FGF14: variants seen among roughly 807,000 people sequenced by gnomAD.
FGF14 encodes fibroblast growth factor 14, also known as fibroblast growth factor homologous factor 4.
FGF14 carries 5 observed loss-of-function variants against 25.5 expected under a neutral mutation model. The ratio of observed to expected loss-of-function variants is 0.20; its 90% CI spans 0.10 to 0.41. The LOEUF (loss-of-function observed/expected upper bound fraction) is 0.41. Among genes scored for constraint, FGF14 ranks in the 10% least tolerant of loss-of-function variants. The pLI is 1.00. For missense variants in FGF14, 222 were observed against 320.1 expected, an observed-to-expected ratio of 0.69 and a Z score of 2.34; for synonymous variants, 138 against 118.3, an observed-to-expected ratio of 1.17 and a Z score of -1.08.
intron 1 of FGF14, among the ~76,000 whole-genome samples, chr13:102,196,955 TG>T (rs374840065): frequency 2.0e-4 from 26 of 129,992 alleles, no homozygotes; most frequent in African/African-American, 5.7e-4. Context: ...TTTGTTTTTT[TG>T]GTTTTTTTTT....
chr13:101,914,934 T>A (rs981629906), intron 1 of FGF14, among the ~76,000 whole-genome samples: 1 of 152,166 alleles, frequency 6.6e-6, no homozygotes, highest in Non-Finnish European at 1.5e-5. Flanking sequence ...CAACGGTGAT[T>A]AAGGCAGTCG....
chr13:102,367,078 C>T (rs1284089880), intron 1 of FGF14, among the ~76,000 whole-genome samples: 2 of 152,046 alleles, frequency 1.3e-5, no homozygotes, highest in Non-Finnish European at 2.9e-5. Flanking sequence ...AATAAATTAC[C>T]CCAAAACTTA....
At chr13:102,210,864 C>T (rs1428634056) in intron 1 of FGF14, among the ~76,000 whole-genome samples, 2 of 152,058 alleles carry the variant, frequency 1.3e-5, no homozygotes, top group East Asian at 3.9e-4. Flanking sequence ...CAAAATAGTG[C>T]ATGGTATGGA....
chr13:102,095,548 T>C (rs974309898), intron 1 of FGF14, among the ~76,000 whole-genome samples: 1 of 152,174 alleles, frequency 6.6e-6, no homozygotes, highest in African/African-American at 2.4e-5. Flanking sequence ...TTGCACTAAA[T>C]GTGCCTGCCT....
chr13:101,941,116 A>G (rs1037332965), intron 1 of FGF14, among the ~76,000 whole-genome samples: 20 of 152,246 alleles, frequency 1.3e-4, no homozygotes, highest in African/African-American at 4.8e-4. Context: ...CAAACTACTC[A>G]GTCCTGATGT....
At position 102,400,013 on chromosome 13, in the gene FGF14, G is replaced by A. The variant is rs920485658; in HGVS notation, c.208+1458C>T. ...CTCCTTTGCTGCAGGAATGGTGGCC[G>A]CAAACGGTCTCAGCCTCCGCACCCA... On this transcript the variant is annotated intron_variant, in intron 1 of 4. Coordinates refer to the FGF14 transcript ENST00000376131. The surrounding 1 kb of genome is among the most constrained non-coding windows in gnomAD (Gnocchi z 4.3). Among the ~76,000 whole-genome samples the A allele has an allele frequency of 1.3e-5, 2 of 152,104 alleles. No individual in the cohort carries two copies. Among genetic ancestry groups the A allele is most frequent in the African/African-American group, 4.8e-5 (2 of 41,436 alleles).
intron 1 of FGF14, among the ~76,000 whole-genome samples, chr13:102,043,430 C>T (rs1282925459): frequency 6.6e-6 from 1 of 152,120 alleles, no homozygotes; most frequent in Non-Finnish European, 1.5e-5. Context: ...TTACTCTAGG[C>T]CAGATACTTT....
At chr13:101,751,280 T>A (rs1005179682) in intron 3 of FGF14, among the ~76,000 whole-genome samples, 11 of 151,960 alleles carry the variant, frequency 7.2e-5, no homozygotes, top group African/African-American at 2.7e-4. Flanking sequence ...ATAAGGGAAA[T>A]AGGTGGAGGG....
At chr13:102,155,582 C>T (rs1400778789) in intron 1 of FGF14, among the ~76,000 whole-genome samples, 1 of 151,990 alleles carries the variant, frequency 6.6e-6, no homozygotes, top group South Asian at 2.1e-4. Context: ...AATTGACACC[C>T]TAACATCACA....
chr13:102,380,536 T>C (rs187526228), intron 1 of FGF14, among the ~76,000 whole-genome samples: 3 of 152,298 alleles, frequency 2.0e-5, no homozygotes, highest in African/African-American at 4.8e-5. Context: ...CTACTTATGA[T>C]GACAGGGCTT....
intron 1 of FGF14, among the ~76,000 whole-genome samples, chr13:102,251,578 G>A (rs1281732651): frequency 6.6e-6 from 1 of 152,172 alleles, no homozygotes; most frequent in East Asian, 1.9e-4. Flanking sequence ...CAAGGGGCGA[G>A]GAGGGCTAGA....
At chr13:102,112,472 T>C (rs2045281199) in intron 1 of FGF14, among the ~76,000 whole-genome samples, 1 of 152,212 alleles carries the variant, frequency 6.6e-6, no homozygotes, top group Non-Finnish European at 1.5e-5. Context: ...TGATTTTTTT[T>C]CCTGAAGATT....
chr13:101,743,097 T>C (rs1044225666), intron 3 of FGF14, among the ~76,000 whole-genome samples: 1 of 152,230 alleles, frequency 6.6e-6, no homozygotes, highest in African/African-American at 2.4e-5. Flanking sequence ...ATACATACAT[T>C]GATTGATGTC....
In FGF14 at chr13:101,835,958, C is replaced by A. The variant is rs149781794; in HGVS notation, c.408+32767G>T. ...AGTACAATGCAAAAGAGAGAGAGGG[C>A]TGTGTTGGGAGCCAGTTGTACTTTT... On this transcript the variant is annotated intron_variant, in intron 3 of 4. Transcript: ENST00000376143. 3.9e-5 allele frequency among the ~76,000 whole-genome samples: 6 copies of A among 152,108 alleles called. No homozygotes were observed. In the East Asian group the frequency reaches 1.2e-3, roughly 30 times the overall value.
At chr13:102,119,667 G>T (rs571509352) in intron 1 of FGF14, among the ~76,000 whole-genome samples, 6 of 152,064 alleles carry the variant, frequency 3.9e-5, no homozygotes. Context: ...CTATATTCAC[G>T]CACACATAAA....
In FGF14 at chr13:102,012,623, C is replaced by T. The variant is rs549136910; in HGVS notation, c.209-137327G>A. Reference sequence around the variant, plus strand: ...TCTGTTTGCAGTGAAATGAAATAGACTCAATACCAAACAAAGCAAAACAAG... The same window carrying T: ...TCTGTTTGCAGTGAAATGAAATAGATTCAATACCAAACAAAGCAAAACAAG... On this transcript the variant is annotated intron_variant, in intron 1 of 4. Transcript: ENST00000376131. Among the ~76,000 whole-genome samples, 3 of 152,238 alleles carry T rather than the reference C, an allele frequency of 2.0e-5. No homozygotes were observed. In the East Asian group the frequency reaches 5.8e-4, roughly 29 times the overall value.
At chr13:102,191,334 C>T (rs1293897366) in intron 1 of FGF14, among the ~76,000 whole-genome samples, 1 of 152,198 alleles carries the variant, frequency 6.6e-6, no homozygotes, top group Admixed American at 6.5e-5. Flanking sequence ...AGAGACTGAT[C>T]ATTTGAACAA....
chr13:102,191,260 T>C (rs1459560270), intron 1 of FGF14, among the ~76,000 whole-genome samples: 1 of 152,174 alleles, frequency 6.6e-6, no homozygotes. Context: ...AAACCTTACA[T>C]GGAAAATGTG....
At chr13:102,091,077 T>C (rs962062148) in intron 1 of FGF14, among the ~76,000 whole-genome samples, 22 of 152,162 alleles carry the variant, frequency 1.4e-4, no homozygotes, top group African/African-American at 5.1e-4. Flanking sequence ...TAAAAGACAA[T>C]AGTAAGAGAT....
Sources: gnomAD v4.1 joint callset for allele counts (sites outside exome capture counted in the v4.1 genomes callset) on GRCh38, gnomAD v4.1.1 for gene constraint, Gnocchi (gnomAD v3.1) non-coding constraint, MANE v1.5 for transcripts, NCBI Gene and HGNC (gene_info 2026-07-23, HGNC 2026-07-21) for gene names.